The following NLGN1 variants were observed in gnomAD, a reference collection of about 807,000 sequenced individuals.
NLGN1 encodes the protein neuroligin 1, also known as neuroligin-1.
Under a neutral mutation model 65.5 loss-of-function variants are expected in NLGN1, and 12 were observed. That is an observed-to-expected ratio of 0.18 (90% CI 0.12 to 0.30). NLGN1 has a LOEUF of 0.30. Ranked by LOEUF, NLGN1 falls within the 10% of genes least tolerant of loss-of-function variation. The pLI is 1.00. For synonymous variants in NLGN1, 350 were observed against 359.5 expected, an observed-to-expected ratio of 0.97 and a Z score of 0.30; for missense variants, 750 against 1,007.1, an observed-to-expected ratio of 0.74 and a Z score of 3.46.
chr3:174,069,544 T>C (rs1477869850), intron 4 of NLGN1, among the ~76,000 whole-genome samples: 1 of 152,184 alleles, frequency 6.6e-6, no homozygotes, highest in Non-Finnish European at 1.5e-5. Flanking sequence ...ACCTATGTTA[T>C]CAAAACATAT....
chr3:173,691,709 C>T (rs1765485058), intron 3 of NLGN1, among the ~76,000 whole-genome samples: 1 of 152,000 alleles, frequency 6.6e-6, no homozygotes, highest in Non-Finnish European at 1.5e-5. Flanking sequence ...TTTTTTCTGT[C>T]AGTGGTGTTA....
At chr3:174,156,920 T>C (rs187811215) in intron 4 of NLGN1, among the ~76,000 whole-genome samples, 36 of 151,326 alleles carry the variant, frequency 2.4e-4, no homozygotes, top group African/African-American at 8.4e-4. Flanking sequence ...CATAGATTCA[T>C]TTTAAATTGC....
Position 174,264,445 on chromosome 3 carries a change from G to A in NLGN1, c.647-10870G>A, listed in dbSNP as rs538297721. Among the ~76,000 whole-genome samples, 36 of 148,836 alleles carry A rather than the reference G, an allele frequency of 2.4e-4. 1 individual carries two copies. The East Asian group carries it at 6.4e-3, about 26-fold the overall frequency. On this transcript the variant is annotated intron_variant, in intron 4 of 6. Transcript: ENST00000457714. ...CATTTCATTCATTTCATCTTCCATC[G>A]CTGATACCCTTTCTTCTAGTTGATC...
chr3:173,988,648 A>G (rs568810136), intron 4 of NLGN1, among the ~76,000 whole-genome samples: 4 of 152,290 alleles, frequency 2.6e-5, no homozygotes, highest in African/African-American at 9.6e-5. Context: ...AAGAATAGCT[A>G]TGCAGGCAGA....
intron 2 of NLGN1, among the ~76,000 whole-genome samples, chr3:173,495,679 T>TTAA (rs1386516560): frequency 3.1e-5 from 1 of 32,698 alleles, no homozygotes; most frequent in Non-Finnish European, 7.7e-5. Flanking sequence ...GAGTCTTTTT[T>TTAA]GAAAAAAAAA....
At chr3:173,474,841 C>G (rs1725920475) in intron 2 of NLGN1, among the ~76,000 whole-genome samples, 1 of 152,010 alleles carries the variant, frequency 6.6e-6, no homozygotes. Context: ...GCCTGTAATC[C>G]TGGCTACTCA....
At chr3:174,187,766 C>T (rs1359013250) in intron 4 of NLGN1, among the ~76,000 whole-genome samples, 1 of 152,004 alleles carries the variant, frequency 6.6e-6, no homozygotes, top group African/African-American at 2.4e-5. Flanking sequence ...GGTCTCTACT[C>T]TCACAGGAGT....
chr3:173,522,724 T>C (rs1045539817), intron 2 of NLGN1, among the ~76,000 whole-genome samples: 15 of 152,174 alleles, frequency 9.9e-5, no homozygotes, highest in African/African-American at 3.6e-4. Flanking sequence ...TGAGCCACCC[T>C]GCCTGGCCAT....
intron 2 of NLGN1, among the ~76,000 whole-genome samples, chr3:173,507,184 G>A (rs1471773648): frequency 6.6e-6 from 1 of 152,018 alleles, no homozygotes; most frequent in Non-Finnish European, 1.5e-5. Context: ...TGCTGCTGAT[G>A]AGAAAGAATT....
chr3:174,152,369 C>G (rs1256629899), intron 4 of NLGN1, among the ~76,000 whole-genome samples: 1 of 151,836 alleles, frequency 6.6e-6, no homozygotes, highest in African/African-American at 2.4e-5. Flanking sequence ...TTCTTAATGT[C>G]AAAGAAATAT....
intron 2 of NLGN1, among the ~76,000 whole-genome samples, chr3:173,463,468 A>G (rs1013187269): frequency 2.6e-5 from 4 of 152,048 alleles, no homozygotes; most frequent in African/African-American, 9.7e-5. Flanking sequence ...TCCAACCTTA[A>G]CTACAAATGT....
intron 4 of NLGN1, among the ~76,000 whole-genome samples, chr3:174,260,192 A>G (rs1340691864): frequency 6.6e-6 from 1 of 151,164 alleles, no homozygotes; most frequent in South Asian, 2.1e-4. Context: ...TCCTTTGGGT[A>G]TATACCCAGT....
At chr3:174,256,378 C>G (rs139000571) in intron 4 of NLGN1, among the ~76,000 whole-genome samples, 43 of 152,290 alleles carry the variant, frequency 2.8e-4, no homozygotes, top group African/African-American at 9.9e-4. Flanking sequence ...TCAAAGAAAG[C>G]TGATTCCTTG....
rs111308318 is a variant in NLGN1 at position 173,721,515 on chromosome 3, C to T, written c.494-86165C>T. On this transcript the variant is annotated intron_variant, in intron 3 of 6. Transcript: ENST00000457714. The stretch of plus-strand genomic sequence containing the variant: ...CACTCTAAGGTAAAATGTAAACATA[C>T]GATCATTTATAATAATAGTAACACT... Among the ~76,000 whole-genome samples, 95 of 152,186 alleles carry T rather than the reference C, an allele frequency of 6.2e-4. 1 individual carries two copies. Among genetic ancestry groups the T allele is most frequent in the Middle Eastern group, 3.4e-3 (1 of 294 alleles).
rs147688296 is a variant in NLGN1, at chr3:173,845,606, G to GGATAGGTAGATAGATA, written c.646+37779_646+37780insGTAGATAGATAGATAG. Among the ~76,000 whole-genome samples the GGATAGGTAGATAGATA allele has an allele frequency of 7.8e-3, 1,143 of 147,042 alleles. 5 individuals are homozygous for GGATAGGTAGATAGATA. Among genetic ancestry groups the GGATAGGTAGATAGATA allele is most frequent in the Admixed American group, 0.012 (173 of 14,624 alleles). ...TGGATAGACAGATAGGTAGGTGGATGGATAGATAGATAGATAGATAGATAG... is the reference window on the plus strand; with the variant it reads ...TGGATAGACAGATAGGTAGGTGGATGGATAGGTAGATAGATAGATAGATAGATAGATAGATAGATAG... On this transcript the variant is annotated intron_variant, in intron 4 of 6. Coordinates refer to ENST00000457714, the Ensembl canonical transcript of NLGN1.
At chr3:174,229,736 C>T (rs1237178044) in intron 4 of NLGN1, among the ~76,000 whole-genome samples, 1 of 152,138 alleles carries the variant, frequency 6.6e-6, no homozygotes, top group Non-Finnish European at 1.5e-5. Context: ...GAGGACATAA[C>T]AAAATTCCAT....
At chr3:174,073,777 T>G (rs548480241) in intron 4 of NLGN1, among the ~76,000 whole-genome samples, 1 of 152,326 alleles carries the variant, frequency 6.6e-6, no homozygotes, top group South Asian at 2.1e-4. Context: ...TATGTCTGAT[T>G]ATCACAATAC....
intron 4 of NLGN1, among the ~76,000 whole-genome samples, chr3:174,158,600 G>T (rs1479732152): frequency 2.0e-5 from 3 of 151,656 alleles, no homozygotes; most frequent in Non-Finnish European, 4.4e-5. Flanking sequence ...CAAATCTACT[G>T]GGTCAGAATT....
downstream of NLGN1, among the ~76,000 whole-genome samples, chr3:174,287,328 T>G (rs2152901300): frequency 6.6e-6 from 1 of 151,482 alleles, no homozygotes; most frequent in South Asian, 2.1e-4. Context: ...ATACATAGCC[T>G]AAAGATAAAT....
Sources: gnomAD v4.1 joint callset for allele counts (sites outside exome capture counted in the v4.1 genomes callset) on GRCh38, gnomAD v4.1.1 for gene constraint, MANE v1.5 for transcripts, NCBI Gene and HGNC (gene_info 2026-07-23, HGNC 2026-07-21) for gene names.